MDGA2: variants seen among roughly 807,000 people sequenced by gnomAD.
The protein encoded by MDGA2 is MAM domain containing glycosylphosphatidylinositol anchor 2.
MDGA2 carries 40 observed loss-of-function variants against 117.8 expected under a neutral mutation model. The observed-to-expected ratio is 0.34, with a 90% confidence interval of 0.26 to 0.44. MDGA2 has a LOEUF of 0.44. Among genes scored for constraint, MDGA2 ranks in the 20% least tolerant of loss-of-function variants. MDGA2 has a pLI of 1.00. For synonymous variants in MDGA2, 452 were observed against 439.0 expected, an observed-to-expected ratio of 1.03 and a Z score of -0.37; for missense variants, 1,123 against 1,250.6, an observed-to-expected ratio of 0.90 and a Z score of 1.54.
intron 15 of MDGA2, among the ~76,000 whole-genome samples, chr14:46,854,039 T>A (rs1881166505): frequency 6.6e-6 from 1 of 151,810 alleles, no homozygotes; most frequent in African/African-American, 2.4e-5. Context: ...TCATTGTGAA[T>A]GACTATGTAT....
intron 3 of MDGA2, among the ~76,000 whole-genome samples, chr14:47,189,080 TCAG>T (rs1338569437): frequency 6.6e-6 from 1 of 152,146 alleles, no homozygotes; most frequent in Non-Finnish European, 1.5e-5. Flanking sequence ...GAGGTATTTT[TCAG>T]TTAAAAACAA....
At chr14:47,062,041 T>C (rs1889902730) in intron 6 of MDGA2, among the ~76,000 whole-genome samples, 1 of 152,046 alleles carries the variant, frequency 6.6e-6, no homozygotes, top group African/African-American at 2.4e-5. Context: ...CATAAGAACA[T>C]TCTCCTAAGG....
intron 3 of MDGA2, among the ~76,000 whole-genome samples, chr14:47,146,045 T>C (rs1882930678): frequency 1.3e-5 from 2 of 152,092 alleles, no homozygotes; most frequent in Non-Finnish European, 2.9e-5. Flanking sequence ...GACATAAGAA[T>C]AGTGAAGTGT....
intron 1 of MDGA2, among the ~76,000 whole-genome samples, chr14:47,670,117 C>T (rs1898047825): frequency 6.6e-6 from 1 of 152,160 alleles, no homozygotes; most frequent in African/African-American, 2.4e-5. Flanking sequence ...ATGAGATTTA[C>T]TGATATTACC....
intron 9 of MDGA2, among the ~76,000 whole-genome samples, chr14:46,950,037 T>A (rs1345713197): frequency 6.6e-6 from 1 of 151,832 alleles, no homozygotes; most frequent in Non-Finnish European, 1.5e-5. Flanking sequence ...ATAATGAAAA[T>A]TTTAATTGAA....
chr14:47,026,544 A>T (rs1345954702), intron 8 of MDGA2, among the ~76,000 whole-genome samples: 1 of 146,270 alleles, frequency 6.8e-6, no homozygotes, highest in Non-Finnish European at 1.5e-5. Flanking sequence ...ATAATATCAC[A>T]GGAATGTTCA....
chr14:47,419,973 T>G (rs1007828556), intron 1 of MDGA2, among the ~76,000 whole-genome samples: 1 of 151,990 alleles, frequency 6.6e-6, no homozygotes, highest in African/African-American at 2.4e-5. Flanking sequence ...AGCCTTGTAG[T>G]GTGAATAAAA....
chr14:47,625,106 T>A (rs867635377), intron 1 of MDGA2, among the ~76,000 whole-genome samples: 1 of 152,172 alleles, frequency 6.6e-6, no homozygotes, highest in Non-Finnish European at 1.5e-5. Context: ...CTAGATTGTA[T>A]AGGTAGTAAG....
At chr14:47,452,773 G>A (rs1391167930) in intron 1 of MDGA2, among the ~76,000 whole-genome samples, 1 of 151,768 alleles carries the variant, frequency 6.6e-6, no homozygotes, top group African/African-American at 2.4e-5. Flanking sequence ...TAACAGAAGG[G>A]ATATTTATTA....
At chr14:47,567,411 T>C (rs77857978) in intron 1 of MDGA2, among the ~76,000 whole-genome samples, 2 of 152,210 alleles carry the variant, frequency 1.3e-5, no homozygotes, top group African/African-American at 4.8e-5. Context: ...AAATGCTACA[T>C]GTTGAATGAC....
Position 47,238,948 on chromosome 14 carries a change from A to C in MDGA2, c.421-20753T>G, listed in dbSNP as rs1886952965. 2.0e-5 allele frequency among the ~76,000 whole-genome samples: 3 copies of C among 151,708 alleles called. 1 individual carries two copies. In the South Asian group the frequency reaches 6.2e-4, roughly 32 times the overall value. ...AGGTAGAAAGTTTAAAATGGGAAGA[A>C]ATATCTCAATTTTTTGTTGTAAGTA... On this transcript the variant is annotated intron_variant, in intron 2 of 16. Transcript: ENST00000399232.
rs1007026939 is a variant in MDGA2 at position 46,873,850 on chromosome 14, C to A, written c.2593+195G>T. 21 of 569,540 alleles carry A rather than the reference C, an allele frequency of 3.7e-5. No individual in the cohort carries two copies. In the South Asian group the frequency reaches 7.1e-4, roughly 19 times the overall value. 35.3% of individuals were successfully genotyped at this position (569,540 alleles called of 1,614,324 possible). On this transcript the variant is annotated intron_variant, in intron 13 of 16. Transcript: ENST00000399232. ...TATCAAAAAATTCCTATTCTCTCTA[C>A]TATATGTATCAGTGAAGTCTGAGAA...
chr14:47,604,487 A>ACCCCCCCCCCCCC (rs60602833), intron 1 of MDGA2, among the ~76,000 whole-genome samples: 3 of 92,050 alleles, frequency 3.3e-5, no homozygotes, highest in Non-Finnish European at 4.4e-5. Context: ...CAGCTTCCCC[A>ACCCCCCCCCCCCC]CCCCCCCCCA....
intron 7 of MDGA2, among the ~76,000 whole-genome samples, chr14:47,049,035 A>C (rs768897599): frequency 2.6e-5 from 4 of 152,070 alleles, no homozygotes; most frequent in Non-Finnish European, 2.9e-5. Context: ...ATATGGTTTT[A>C]CATTGCATTT....
intron 1 of MDGA2, among the ~76,000 whole-genome samples, chr14:47,613,199 G>T (rs932445486): frequency 2.0e-5 from 3 of 152,012 alleles, no homozygotes; most frequent in Non-Finnish European, 4.4e-5. Flanking sequence ...TAATTTCCCT[G>T]TGGCCACTCA....
intron 1 of MDGA2, among the ~76,000 whole-genome samples, chr14:47,632,495 ACAT>A (rs953136178): frequency 5.9e-5 from 9 of 152,314 alleles, no homozygotes; most frequent in Non-Finnish European, 1.2e-4. Context: ...GTCATGAGAA[ACAT>A]TGTAAAAAGC....
At position 47,601,112 on chromosome 14, in the gene MDGA2, A is replaced by G. The variant is rs555803119; in HGVS notation, c.280+73405T>C. 1.2e-3 allele frequency among the ~76,000 whole-genome samples: 183 copies of G among 152,286 alleles called. 1 individual carries two copies. Among genetic ancestry groups the G allele is most frequent in the African/African-American group, 4.3e-3 (179 of 41,562 alleles). On this transcript the variant is annotated intron_variant, in intron 1 of 16. Transcript: ENST00000399232. The stretch of plus-strand genomic sequence containing the variant: ...AATCCTAAGCATCTTAATTTAACAA[A>G]TATTTTTGAGCACTGACTATGTTGT...
At chr14:47,146,747 A>G (rs1882959730) in intron 3 of MDGA2, among the ~76,000 whole-genome samples, 1 of 152,174 alleles carries the variant, frequency 6.6e-6, no homozygotes, top group Non-Finnish European at 1.5e-5. Context: ...AACAAAACAG[A>G]ATTTGATGGT....
intron 1 of MDGA2, among the ~76,000 whole-genome samples, chr14:47,440,154 TCCCAACAGCATAC>T (rs1892977316): frequency 6.6e-6 from 1 of 151,938 alleles, no homozygotes; most frequent in Non-Finnish European, 1.5e-5. Flanking sequence ...AGTGTCTCAC[TCCCAACAGCATAC>T]CCCTGAGGAT....
Sources: gnomAD v4.1 joint callset for allele counts (sites outside exome capture counted in the v4.1 genomes callset) on GRCh38, gnomAD v4.1.1 for gene constraint, MANE v1.5 for transcripts, NCBI Gene and HGNC (gene_info 2026-07-23, HGNC 2026-07-21) for gene names.